The following TMEM63A variants were observed in gnomAD, a reference collection of about 807,000 sequenced individuals.
TMEM63A encodes the protein mechanosensitive cation channel TMEM63A.
Under a neutral mutation model 100.6 loss-of-function variants are expected in TMEM63A, and 76 were observed. The observed-to-expected ratio is 0.76, with a 90% CI of 0.63 to 0.91. The LOEUF (loss-of-function observed/expected upper bound fraction) is 0.91. Ranked by LOEUF, TMEM63A falls within the 40% of genes least tolerant of loss-of-function variation. TMEM63A has a pLI of 0.00. For missense variants in TMEM63A, 876 were observed against 1,008.8 expected, an observed-to-expected ratio of 0.87 and a Z score of 1.78; for synonymous variants, 401 against 401.1, an observed-to-expected ratio of 1.00 and a Z score of 0.00.
At chr1:225,871,780 G>T in intron 5 of TMEM63A, 1 of 550,534 alleles carries the variant, frequency 1.8e-6, no homozygotes, top group Non-Finnish European at 3.2e-6. Flanking sequence ...ACCCCTTCCT[G>T]CCTGCAAATT....
At chr1:225,866,156 C>T in intron 9 of TMEM63A, 189 bp from the exon 10 acceptor site, 1 of 606,052 alleles carries the variant, frequency 1.7e-6, no homozygotes. Flanking sequence ...CCAGGCTGTA[C>T]AAAGAATCCA....
intron 13 of TMEM63A, chr1:225,861,730 A>AG (rs3835534): frequency 0.041 from 7,031 of 171,312 alleles, 226 homozygotes; most frequent in East Asian, 0.14. Context: ...CACTGTGAAA[A>AG]GCCACTCCCC....
rs765137739 is a variant in TMEM63A, at chr1:225,847,165, G to T, written c.2299C>A (p.Leu767Met). 4.8e-5 allele frequency: 77 copies of T among 1,613,340 alleles called. No homozygotes were observed. Among genetic ancestry groups the T allele is most frequent in the Non-Finnish European group, 6.3e-5 (74 of 1,180,032 alleles). Residue 767 changes from leucine (L) to methionine (M), a missense_variant, in exon 24 of 25, where the codon CTG (leucine) becomes ATG (methionine). Leu to Met is a conservative substitution (Grantham distance 15, BLOSUM62 2). Coordinates refer to ENST00000366835, the MANE Select transcript of TMEM63A (RefSeq NM_014698.3). ...LNGLASERTA[L>M]SPQQQQQQTY... is the part of the protein sequence containing the mutation. Reference sequence around the variant, plus strand: ...TGCTGCTGCTGCTGCTGCGGAGACAGTGCTGTCCTCTCCGAGGCCAAGCCG... The same window carrying T: ...TGCTGCTGCTGCTGCTGCGGAGACATTGCTGTCCTCTCCGAGGCCAAGCCG...
downstream of TMEM63A, chr1:225,844,999 G>A: frequency 4.4e-6 from 4 of 908,462 alleles, no homozygotes; most frequent in South Asian, 1.4e-5. Context: ...GGGGAGAGCG[G>A]TTGAGACCCT....
intron 9 of TMEM63A, 34 bp from the exon 10 acceptor site, chr1:225,866,001 C>G: frequency 1.9e-6 from 3 of 1,608,654 alleles, no homozygotes; most frequent in Non-Finnish European, 2.5e-6. Flanking sequence ...GAGAAGTCAC[C>G]CACAAGCCAG....
intron 21 of TMEM63A, 77 bp from the exon 22 acceptor site, chr1:225,849,089 C>A: frequency 8.6e-7 from 1 of 1,159,906 alleles, no homozygotes; most frequent in South Asian, 1.4e-5. Context: ...GAGGAAGGGG[C>A]CGCACCTGGT....
intron 3 of TMEM63A, among the ~76,000 whole-genome samples, chr1:225,875,470 G>C (rs565617710): frequency 2.6e-5 from 4 of 152,194 alleles, no homozygotes; most frequent in Non-Finnish European, 4.4e-5. Context: ...AGAAACGGGG[G>C]TTTTGAAGGT....
At chr1:225,873,375 A>C (rs1415645924) in intron 4 of TMEM63A, among the ~76,000 whole-genome samples, 4 of 152,046 alleles carry the variant, frequency 2.6e-5, no homozygotes, top group Admixed American at 1.3e-4. Context: ...AAGATGGTGC[A>C]TTTTCAGGTA....
downstream of TMEM63A, among the ~76,000 whole-genome samples, chr1:225,844,989 G>A (rs1273670179): frequency 2.0e-5 from 3 of 152,178 alleles, no homozygotes; most frequent in African/African-American, 7.2e-5. Context: ...CCCTCAGTGA[G>A]GGGAGAGCGG....
chr1:225,847,362 C>G, intron 23 of TMEM63A, 149 bp from the exon 24 acceptor site: 2 of 940,312 alleles, frequency 2.1e-6, no homozygotes, highest in Non-Finnish European at 3.1e-6. Flanking sequence ...ACATTAAGAC[C>G]GAAAATATGA....
At chr1:225,878,883 C>CACACA (rs1252743461) in intron 2 of TMEM63A, among the ~76,000 whole-genome samples, 214 of 84,438 alleles carry the variant, frequency 2.5e-3, no homozygotes, top group African/African-American at 7.5e-3. Context: ...TACCTACCTA[C>CACACA]CTACACACAC....
chr1:225,871,847 A>G, intron 5 of TMEM63A, 140 bp downstream of exon 5: 1 of 639,358 alleles, frequency 1.6e-6, no homozygotes, highest in East Asian at 2.8e-5. Flanking sequence ...GGTATTTCCC[A>G]AGTTCAGGTG....
Position 225,872,050 on chromosome 1 carries a change from C to G in TMEM63A, c.270G>C (p.Glu90Asp), listed in dbSNP as rs761700413. Residue 90 changes from glutamate (E) to aspartate (D), a missense_variant, in exon 5 of 25, where the codon GAG (glutamate) becomes GAC (aspartate). Around this residue, in one of 5 missense-constraint regions of TMEM63A, gnomAD observed 487 missense variants for 581.9 expected, o/e 0.84. Transcript: ENST00000366835. ...TCGATGACAATCTCTGAAATCTGGACTCGCTAGAGACACAAAAAGAAAAAA... is the reference window on the plus strand; with the variant it reads ...TCGATGACAATCTCTGAAATCTGGAGTCGCTAGAGACACAAAAAGAAAAAA... The part of the protein sequence containing the change: ...RIALVSEADS[E>D]SRFQRLSSTS... 1 of 1,606,774 alleles carries G rather than the reference C, an allele frequency of 6.2e-7. No homozygotes were observed. The highest frequency in any genetic ancestry group is 2.2e-5 in the East Asian group (1 of 44,834).
Position 225,862,933 on chromosome 1 carries a change from G to A in TMEM63A, c.747-82C>T, listed in dbSNP as rs1298816201. The stretch of plus-strand genomic sequence containing the variant: ...GCAGGAGACGTGCCCACGGATCCAA[G>A]GGAAAGGATGGCAGAGTGATCTCGC... On this transcript the variant is annotated intron_variant, in intron 10 of 24. Transcript: ENST00000366835. The surrounding 1 kb of genome is among the most constrained non-coding windows in gnomAD (Gnocchi z 5.1). 7 of 1,291,778 alleles carry A rather than the reference G, an allele frequency of 5.4e-6. No individual in the cohort carries two copies. The highest frequency in any genetic ancestry group is 2.5e-5 in the East Asian group (1 of 40,156). The allele number at this position is 1,291,778 out of a possible 1,614,324, so 80.0% of individuals were successfully genotyped here.
chr1:225,852,541 G>C (rs1243457384), intron 20 of TMEM63A, 123 bp downstream of exon 20: 1 of 822,852 alleles, frequency 1.2e-6, no homozygotes, highest in East Asian at 2.6e-5. Flanking sequence ...AGCAGCTTGT[G>C]GCTCTTGTGG....
Position 225,865,615 on chromosome 1 carries a change from G to A in TMEM63A, c.746+282C>T. 2 of 373,278 alleles carry A rather than the reference G, an allele frequency of 5.4e-6. No homozygotes were observed. Among genetic ancestry groups the A allele is most frequent in the Non-Finnish European group, 1.0e-5 (2 of 198,030 alleles). The allele number at this position is 373,278 out of a possible 1,614,324, so 23.1% of individuals were successfully genotyped here. ...AATTTTTTCCCCCGTATGCTCTCAA[G>A]ACGTTTATTCGCACCTACACCCTGG... On this transcript the variant is annotated intron_variant, in intron 10 of 24. Transcript: ENST00000366835. The surrounding 1 kb of genome is among the most constrained non-coding windows in gnomAD (Gnocchi z 4.6).
At chr1:225,871,959 T>C in intron 5 of TMEM63A, 28 bp downstream of exon 5, 2 of 1,584,898 alleles carry the variant, frequency 1.3e-6, no homozygotes, top group African/African-American at 1.3e-5. Context: ...CCCCTGGCCA[T>C]GACCACAACT....
chr1:225,860,888 A>T lies in TMEM63A; in HGVS notation c.1195T>A (p.Phe399Ile). 1.2e-6 allele frequency: 2 copies of T among 1,611,802 alleles called. No individual in the cohort carries two copies. The highest frequency in any genetic ancestry group is 1.7e-6 in the Non-Finnish European group (2 of 1,178,956). The change falls in exon 14 of 25, where the codon TTT (phenylalanine) becomes ATT (isoleucine). Residue 399 changes from phenylalanine (F) to isoleucine (I), a missense_variant. Physicochemically the swap from Phe to Ile is conservative, Grantham distance 21. Transcript: ENST00000366835. Reference protein sequence around the residue: ...ELYTSKWTVTFAADPEDICWK... With the variant: ...ELYTSKWTVTIAADPEDICWK... Reference sequence around the variant, plus strand: ...CAGATGTCCTCAGGGTCAGCAGCAAAGGTGACTGTCCACTTGGAGGTATAG... The same window carrying T: ...CAGATGTCCTCAGGGTCAGCAGCAATGGTGACTGTCCACTTGGAGGTATAG...
Position 225,855,956 on chromosome 1 carries a change from A to G in TMEM63A, c.1572-16T>C. 6.2e-7 allele frequency: 1 copy of G among 1,612,524 alleles called. No homozygotes were observed. Among genetic ancestry groups the G allele is most frequent in the Non-Finnish European group, 8.5e-7 (1 of 1,179,354 alleles). On this transcript the variant is annotated splice_polypyrimidine_tract_variant and intron_variant, in intron 17 of 24. Transcript: ENST00000366835. ...AAAATCTAGACTGAAAAACAAAGGA[A>G]CCCCCTAAGAGTTTATTTCCAGCAT...
Sources: gnomAD v4.1 joint callset for allele counts (sites outside exome capture counted in the v4.1 genomes callset) on GRCh38, gnomAD v4.1.1 for gene constraint, gnomAD v4.1.1 regional missense constraint, Gnocchi (gnomAD v3.1) non-coding constraint, MANE v1.5 for transcripts, NCBI Gene and HGNC (gene_info 2026-07-23, HGNC 2026-07-21) for gene names.